Variants in DCP2 observed in about 807,000 individuals in gnomAD.
DCP2 encodes decapping mRNA 2, also known as m7GpppN-mRNA hydrolase.
DCP2 carries 30 observed loss-of-function variants against 56.1 expected under a neutral mutation model. The observed-to-expected ratio is 0.53, with a 90% CI of 0.40 to 0.73. DCP2 has a LOEUF of 0.73. DCP2 is among the 30% of genes least tolerant of loss of function. DCP2 has a pLI of 0.00. For synonymous variants in DCP2, 197 were observed against 163.3 expected (o/e 1.21, Z -1.57); for missense variants, 533 against 502.7 (o/e 1.06, Z -0.58).
At chr5:113,001,726 G>A in intron 7 of DCP2, 52 bp downstream of exon 7, 1 of 1,518,054 alleles carries the variant, frequency 6.6e-7, no homozygotes, top group South Asian at 1.1e-5. Flanking sequence ...TTTAAAAGTG[G>A]AATAATAGTA....
At chr5:112,992,938 C>T (rs927939830) in intron 4 of DCP2, among the ~76,000 whole-genome samples, 168 bp downstream of exon 4, 5 of 150,580 alleles carry the variant, frequency 3.3e-5, no homozygotes, top group African/African-American at 1.2e-4. Context: ...TTGTTTTATC[C>T]ACATCTCTTT....
chr5:112,999,945 C>T (rs1324969662), intron 4 of DCP2, among the ~76,000 whole-genome samples: 3 of 151,208 alleles, frequency 2.0e-5, no homozygotes, highest in Non-Finnish European at 2.9e-5. Context: ...GCTGTAATCC[C>T]AGCTGCTCAG....
intron 1 of DCP2, among the ~76,000 whole-genome samples, chr5:112,977,678 G>T (rs1747782710): frequency 6.6e-6 from 1 of 152,156 alleles, no homozygotes; most frequent in African/African-American, 2.4e-5. Flanking sequence ...CTTCAGATGA[G>T]AAATTTTCTG....
At chr5:112,990,762 A>G (rs940874665) in intron 2 of DCP2, among the ~76,000 whole-genome samples, 6 of 152,068 alleles carry the variant, frequency 3.9e-5, no homozygotes, top group African/African-American at 7.3e-5. Context: ...GTTGTTATAT[A>G]TGGCTGACTT....
chr5:112,979,771 C>T (rs1159058118), intron 1 of DCP2, among the ~76,000 whole-genome samples: 1 of 152,142 alleles, frequency 6.6e-6, no homozygotes. Context: ...ATTCTAAGTT[C>T]CTCAGGCAAT....
chr5:112,996,728 A>G (rs1294471164), intron 4 of DCP2, among the ~76,000 whole-genome samples: 2 of 152,170 alleles, frequency 1.3e-5, no homozygotes, highest in South Asian at 4.1e-4. Context: ...TTTGGGGGCA[A>G]TCTTAATTAG....
chr5:112,985,238 A>T (rs1357395223), intron 1 of DCP2, among the ~76,000 whole-genome samples: 2 of 152,186 alleles, frequency 1.3e-5, no homozygotes, highest in African/African-American at 4.8e-5. Context: ...ATATTAGTGT[A>T]TATTAATATA....
At chr5:112,998,518 T>C (rs563768436) in intron 4 of DCP2, among the ~76,000 whole-genome samples, 45 of 152,232 alleles carry the variant, frequency 3.0e-4, no homozygotes, top group Non-Finnish European at 4.8e-4. Flanking sequence ...TAAAGGGTGC[T>C]GCTTGCGTTA....
intron 7 of DCP2, among the ~76,000 whole-genome samples, chr5:113,002,852 C>G (rs925518600): frequency 6.6e-6 from 1 of 152,102 alleles, no homozygotes; most frequent in African/African-American, 2.4e-5. Flanking sequence ...GCATCCAAGT[C>G]AGTTACAGAG....
intron 2 of DCP2, among the ~76,000 whole-genome samples, chr5:112,986,747 C>G (rs544255919): frequency 1.3e-5 from 2 of 152,166 alleles, no homozygotes; most frequent in South Asian, 4.1e-4. Context: ...ACCTATAATC[C>G]CAGTACTTTT....
chr5:112,978,572 G>T (rs940476769), intron 1 of DCP2, among the ~76,000 whole-genome samples: 1 of 151,832 alleles, frequency 6.6e-6, no homozygotes, highest in African/African-American at 2.4e-5. Flanking sequence ...GCCTAATTTT[G>T]CAACTAATAC....
intron 10 of DCP2, among the ~76,000 whole-genome samples, chr5:113,012,792 T>C (rs1749731576): frequency 1.3e-5 from 2 of 152,018 alleles, no homozygotes; most frequent in Non-Finnish European, 2.9e-5. Context: ...TACAGGCGTG[T>C]GCCACCATGC....
chr5:112,977,803 C>T (rs1747789329), intron 1 of DCP2, among the ~76,000 whole-genome samples: 2 of 152,176 alleles, frequency 1.3e-5, no homozygotes, highest in South Asian at 2.1e-4. Context: ...GAGTTGTCGC[C>T]AAGTGTGTGT....
chr5:112,977,012 G>T, intron 1 of DCP2, 26 bp downstream of exon 1: 1 of 1,482,180 alleles, frequency 6.7e-7, no homozygotes, highest in Non-Finnish European at 9.1e-7. Flanking sequence ...ACCCCCTTTC[G>T]CCCCCGTCGG....
chr5:112,998,092 T>C (rs1001084084), intron 4 of DCP2, among the ~76,000 whole-genome samples: 5 of 152,244 alleles, frequency 3.3e-5, no homozygotes. Context: ...ATATTTCAAC[T>C]ATTATAACTT....
chr5:112,986,106 A>T, intron 2 of DCP2, 120 bp downstream of exon 2: 1 of 973,314 alleles, frequency 1.0e-6, no homozygotes. Context: ...CTTGATTGCT[A>T]AAATTTGTCA....
chr5:112,997,797 T>G (rs1370543432), intron 4 of DCP2, among the ~76,000 whole-genome samples: 1 of 152,042 alleles, frequency 6.6e-6, no homozygotes, highest in Non-Finnish European at 1.5e-5. Context: ...GTATTTTTAG[T>G]AGAGATGGGG....
At chr5:112,987,725 T>G (rs1748366923) in intron 2 of DCP2, among the ~76,000 whole-genome samples, 1 of 149,748 alleles carries the variant, frequency 6.7e-6, no homozygotes, top group African/African-American at 2.5e-5. Flanking sequence ...CCACCTGCCT[T>G]GGCCTACCAA....
Position 113,013,358 on chromosome 5 carries a change from G to T in DCP2, c.1137G>T (p.Gln379His). ...VYDLPSSSED[Q>H]LLEHAEGQPV... ...ACTTGCCTAGCTCCAGTGAAGACCA[G>T]TTGCTAGAACATGCTGAGGGACAGC... The change falls in exon 11 of 11, where the codon CAG becomes CAT. Residue 379 changes from glutamine (Q) to histidine (H), a missense_variant. Physicochemically the swap from Gln to His is conservative, Grantham distance 24 (BLOSUM62 0). Transcript: ENST00000389063. 2 of 1,614,112 alleles carry T rather than the reference G, an allele frequency of 1.2e-6. No homozygotes were observed. The highest frequency in any genetic ancestry group is 1.7e-6 in the Non-Finnish European group (2 of 1,179,976).
Sources: gnomAD v4.1 joint callset for allele counts (sites outside exome capture counted in the v4.1 genomes callset) on GRCh38, gnomAD v4.1.1 for gene constraint, MANE v1.5 for transcripts, NCBI Gene and HGNC (gene_info 2026-07-23, HGNC 2026-07-21) for gene names.